Variants in GRM8 observed in about 807,000 individuals in gnomAD.
The protein encoded by GRM8 is metabotropic glutamate receptor 8.
Under a neutral mutation model 87.2 loss-of-function variants are expected in GRM8, and 47 were observed. That is an observed-to-expected ratio of 0.54 (90% confidence interval 0.43 to 0.69). GRM8 has a LOEUF of 0.69. GRM8 is among the 30% of genes least tolerant of loss of function. The pLI, the probability that GRM8 is intolerant of heterozygous loss-of-function variation, is 0.00. For synonymous variants in GRM8, 396 were observed against 404.5 expected (o/e 0.98, Z 0.25); for missense variants, 1,019 against 1,139.2 (o/e 0.89, Z 1.52).
intron 2 of GRM8, among the ~76,000 whole-genome samples, chr7:127,200,093 C>T (rs977310469): frequency 2.0e-5 from 3 of 151,914 alleles, no homozygotes; most frequent in African/African-American, 7.3e-5. Context: ...ATCAAGACAC[C>T]CAACATGATT....
chr7:127,096,947 C>T lies in GRM8; in HGVS notation c.727+9549G>A, dbSNP rs558420265. ...AGGCATGGTTGGAAGCAGCTCTGCC[C>T]TTTGGTTCCCAGAGGCTGAGCAAAC... On this transcript the variant is annotated intron_variant, in intron 3 of 10. Transcript: ENST00000339582. 9.8e-5 allele frequency among the ~76,000 whole-genome samples: 15 copies of T among 152,298 alleles called. No individual in the cohort carries two copies. In the South Asian group the frequency reaches 3.1e-3, roughly 32 times the overall value.
intron 2 of GRM8, among the ~76,000 whole-genome samples, chr7:127,225,719 T>G (rs984158450): frequency 4.7e-5 from 7 of 149,440 alleles, no homozygotes; most frequent in African/African-American, 1.7e-4. Flanking sequence ...TATTTTATAA[T>G]AGGCATTTTC....
intron 7 of GRM8, among the ~76,000 whole-genome samples, chr7:126,672,583 A>G (rs761142583): frequency 5.3e-5 from 8 of 152,176 alleles, no homozygotes; most frequent in Non-Finnish European, 1.2e-4. Flanking sequence ...TAATTTTCCA[A>G]ACCTTAAACT....
At chr7:127,023,072 A>C (rs1051746927) in intron 3 of GRM8, among the ~76,000 whole-genome samples, 2 of 152,108 alleles carry the variant, frequency 1.3e-5, no homozygotes, top group African/African-American at 4.8e-5. Flanking sequence ...TTCCACTTAC[A>C]GGGTGATTTT....
intron 6 of GRM8, among the ~76,000 whole-genome samples, chr7:126,806,071 C>A (rs550592051): frequency 1.3e-5 from 2 of 152,330 alleles, no homozygotes; most frequent in Non-Finnish European, 2.9e-5. Context: ...CTTGGTCTTG[C>A]TGACTTCAAG....
At chr7:126,623,704 C>T (rs894959973) in intron 7 of GRM8, among the ~76,000 whole-genome samples, 3 of 152,174 alleles carry the variant, frequency 2.0e-5, no homozygotes, top group East Asian at 1.9e-4. Context: ...CAAAGACTGA[C>T]GTATGGCTCA....
chr7:126,592,589 A>T (rs937602999), intron 8 of GRM8, among the ~76,000 whole-genome samples: 2 of 152,006 alleles, frequency 1.3e-5, no homozygotes, highest in Non-Finnish European at 1.5e-5. Context: ...ACATACTTTC[A>T]TGATAAAAAC....
At chr7:127,229,704 A>C (rs528125553) in intron 2 of GRM8, 1 of 152,336 alleles carries the variant, frequency 6.6e-6, no homozygotes, top group East Asian at 1.9e-4. Flanking sequence ...TACAGAATTT[A>C]TTTCCAAATC....
At chr7:126,528,226 C>T (rs368554775) in intron 9 of GRM8, among the ~76,000 whole-genome samples, 1 of 152,024 alleles carries the variant, frequency 6.6e-6, no homozygotes, top group Non-Finnish European at 1.5e-5. Context: ...ACGACAACAA[C>T]AACAACAACA....
chr7:127,001,166 A>G (rs913935602), intron 3 of GRM8, among the ~76,000 whole-genome samples: 8 of 151,670 alleles, frequency 5.3e-5, no homozygotes, highest in Non-Finnish European at 1.2e-4. Flanking sequence ...TAATAGGAAG[A>G]AAAATGTTTT....
At chr7:126,571,232 A>T (rs1794663453) in intron 8 of GRM8, among the ~76,000 whole-genome samples, 2 of 152,226 alleles carry the variant, frequency 1.3e-5, no homozygotes, top group Non-Finnish European at 2.9e-5. Flanking sequence ...AGAAGTCCAT[A>T]GGTTGATAGA....
intron 6 of GRM8, among the ~76,000 whole-genome samples, chr7:126,806,469 G>A (rs1461096519): frequency 6.6e-6 from 1 of 152,246 alleles, no homozygotes; most frequent in Non-Finnish European, 1.5e-5. Context: ...TGCTTGCGCA[G>A]CTGGCCTGCT....
rs1171718156 is a variant in GRM8, at chr7:127,120,541, T to C, written c.511-13829A>G. Among the ~76,000 whole-genome samples, 3 of 152,142 alleles carry C rather than the reference T, an allele frequency of 2.0e-5. No individual in the cohort carries two copies. The East Asian group carries it at 5.8e-4, about 29-fold the overall frequency. On this transcript the variant is annotated intron_variant, in intron 2 of 10. Coordinates refer to ENST00000339582, the MANE Select transcript of GRM8 (RefSeq NM_000845.3). ...TGAGACTTTGAATTTTAACAAGATCTCCAGGTGATTCGTGTTCACAATAAA... is the reference window on the plus strand; with the variant it reads ...TGAGACTTTGAATTTTAACAAGATCCCCAGGTGATTCGTGTTCACAATAAA...
chr7:127,073,777 T>A (rs187232875), intron 3 of GRM8, among the ~76,000 whole-genome samples: 2 of 152,128 alleles, frequency 1.3e-5, no homozygotes, highest in African/African-American at 2.4e-5. Context: ...CCCCAGAGGA[T>A]CCTCTAGATT....
At chr7:126,709,507 G>A (rs566406428) in intron 7 of GRM8, among the ~76,000 whole-genome samples, 36 of 152,002 alleles carry the variant, frequency 2.4e-4, no homozygotes, top group Non-Finnish European at 4.6e-4. Context: ...GGAGGAGGAG[G>A]AGAAATAATA....
At chr7:126,535,874 C>T (rs923184502) in intron 8 of GRM8, among the ~76,000 whole-genome samples, 22 of 152,262 alleles carry the variant, frequency 1.4e-4, no homozygotes, top group South Asian at 4.1e-4. Flanking sequence ...GAAGGAGCCA[C>T]CTAGAAAGTC....
chr7:126,918,949 CTG>C (rs1804209596), intron 3 of GRM8, among the ~76,000 whole-genome samples: 1 of 152,150 alleles, frequency 6.6e-6, no homozygotes, highest in Non-Finnish European at 1.5e-5. Flanking sequence ...TCATAAATTT[CTG>C]TGATATAATT....
chr7:126,927,449 C>A (rs1805261245), intron 3 of GRM8, among the ~76,000 whole-genome samples: 1 of 152,006 alleles, frequency 6.6e-6, no homozygotes, highest in African/African-American at 2.4e-5. Flanking sequence ...TTTATTGTGA[C>A]TTTAAAAATC....
At chr7:126,982,528 C>T (rs575837972) in intron 3 of GRM8, among the ~76,000 whole-genome samples, 3 of 152,212 alleles carry the variant, frequency 2.0e-5, no homozygotes, top group East Asian at 1.9e-4. Flanking sequence ...CAACTAGAAA[C>T]GCACCAATCC....
Sources: allele counts gnomAD v4.1 joint callset (sites outside exome capture counted in the v4.1 genomes callset), GRCh38; gene constraint gnomAD v4.1.1; transcripts MANE v1.5; gene names NCBI Gene and HGNC (gene_info 2026-07-23, HGNC 2026-07-21).